LRRC7: variants seen among roughly 807,000 people sequenced by gnomAD.
LRRC7 encodes the protein leucine rich repeat containing 7, also known as leucine-rich repeat-containing protein 7.
LRRC7 carries 23 observed loss-of-function variants against 175.7 expected under a neutral mutation model. That is an observed-to-expected ratio of 0.13 (90% confidence interval 0.09 to 0.19). The LOEUF (loss-of-function observed/expected upper bound fraction) is 0.19. Among genes scored for constraint, LRRC7 ranks in the 10% least tolerant of loss-of-function variants. The pLI is 1.00. For synonymous variants in LRRC7, 685 were observed against 680.9 expected, an observed-to-expected ratio of 1.01 and a Z score of -0.09; for missense variants, 1,354 against 1,904.7, an observed-to-expected ratio of 0.71 and a Z score of 5.38.
chr1:69,574,974 G>A (rs192647050), intron 1 of LRRC7, among the ~76,000 whole-genome samples: 16 of 152,154 alleles, frequency 1.1e-4, no homozygotes, highest in Non-Finnish European at 1.9e-4. Context: ...GGCTAATATC[G>A]TATTGTTGAA....
At chr1:69,767,115 G>T (rs1468349731) in intron 3 of LRRC7, among the ~76,000 whole-genome samples, 2 of 152,060 alleles carry the variant, frequency 1.3e-5, no homozygotes, top group Non-Finnish European at 2.9e-5. Flanking sequence ...CATATAAACA[G>T]AATTACATAG....
chr1:70,036,756 A>G (rs760996450), intron 20 of LRRC7, 132 bp downstream of exon 20: 85 of 934,674 alleles, frequency 9.1e-5, no homozygotes, highest in Non-Finnish European at 1.3e-4. Context: ...GCAGGTAAGC[A>G]AATGTTGTTC....
At chr1:70,003,884 TCTCTA>T (rs1275223783) in intron 11 of LRRC7, among the ~76,000 whole-genome samples, 2 of 152,176 alleles carry the variant, frequency 1.3e-5, no homozygotes, top group African/African-American at 2.4e-5. Context: ...ATGAAGCTAT[TCTCTA>T]CTCATCAGTT....
intron 1 of LRRC7, among the ~76,000 whole-genome samples, chr1:69,591,177 GCTTGCTGTATCT>G (rs1458816354): frequency 2.6e-5 from 4 of 152,104 alleles, no homozygotes; most frequent in Non-Finnish European, 5.9e-5. Context: ...ATAGGAGTTT[GCTTGCTGTATCT>G]CTTGAAACTT....
intron 8 of LRRC7, among the ~76,000 whole-genome samples, chr1:69,968,077 A>T (rs893406951): frequency 2.0e-5 from 3 of 152,058 alleles, no homozygotes; most frequent in Non-Finnish European, 2.9e-5. Flanking sequence ...GAGGGGAGAA[A>T]TATTCAATGA....
chr1:69,808,885 T>C (rs1407874313), intron 4 of LRRC7, among the ~76,000 whole-genome samples: 2 of 151,874 alleles, frequency 1.3e-5, no homozygotes, highest in African/African-American at 4.8e-5. Flanking sequence ...ATTCAAAAGC[T>C]AGCAACAAAA....
At chr1:69,998,574 T>C (rs1655236737) in intron 11 of LRRC7, among the ~76,000 whole-genome samples, 1 of 148,934 alleles carries the variant, frequency 6.7e-6, no homozygotes, top group South Asian at 2.1e-4. Context: ...GGCACTAAGA[T>C]AGGCACTAGT....
chr1:69,656,534 C>CT (rs1210313836), intron 1 of LRRC7, among the ~76,000 whole-genome samples: 1 of 151,912 alleles, frequency 6.6e-6, no homozygotes, highest in African/African-American at 2.4e-5. Flanking sequence ...TGGTAACTTT[C>CT]TTTTTTACTA....
At chr1:69,763,955 G>T (rs1435609704) in intron 3 of LRRC7, among the ~76,000 whole-genome samples, 1 of 151,804 alleles carries the variant, frequency 6.6e-6, no homozygotes, top group Non-Finnish European at 1.5e-5. Flanking sequence ...ATTATAATTG[G>T]TCATGAATCT....
Position 69,848,033 on chromosome 1 carries a change from A to ACATT in LRRC7, c.647+9752_647+9755dup, listed in dbSNP as rs142308488. 2.0e-5 allele frequency among the ~76,000 whole-genome samples: 3 copies of ACATT among 152,180 alleles called. No individual in the cohort carries two copies. In the East Asian group the frequency reaches 5.8e-4, roughly 29 times the overall value. On this transcript the variant is annotated intron_variant, in intron 7 of 26. Transcript: ENST00000651989. The stretch of plus-strand genomic sequence containing the variant: ...TATATCTCGAAGCATCTTTCTTGAG[A>ACATT]CATTCCCTTTTTCTGTCTGAAAAAC...
chr1:69,740,156 C>A (rs569332146), intron 2 of LRRC7, among the ~76,000 whole-genome samples: 15 of 152,204 alleles, frequency 9.9e-5, no homozygotes, highest in African/African-American at 3.4e-4. Context: ...TCTTCCAAGG[C>A]TGCCATAAGA....
intron 3 of LRRC7, among the ~76,000 whole-genome samples, chr1:69,774,736 C>A (rs1569717394): frequency 6.6e-6 from 1 of 152,034 alleles, no homozygotes; most frequent in South Asian, 2.1e-4. Context: ...GCATTTACTA[C>A]TGATTTAACC....
At chr1:69,911,003 T>C (rs1033299966) in intron 7 of LRRC7, among the ~76,000 whole-genome samples, 1 of 152,294 alleles carries the variant, frequency 6.6e-6, no homozygotes, top group African/African-American at 2.4e-5. Flanking sequence ...CTCCGAGTCA[T>C]GTGGGGGATA....
chr1:70,127,014 A>G lies in LRRC7; in HGVS notation c.*5127A>G, dbSNP rs939711530. ...GATAGCTGTTCGGAGAGCCTTGAGT[A>G]TCAACAGATGGTTACAGCTCCCAAT... On this transcript the variant is annotated 3_prime_UTR_variant, in exon 27 of 27. Coordinates refer to ENST00000651989, the MANE Select transcript of LRRC7 (RefSeq NM_001370785.2). Among the ~76,000 whole-genome samples the G allele has an allele frequency of 5.3e-5, 8 of 152,218 alleles. No homozygotes were observed. The highest frequency in any genetic ancestry group is 1.9e-4 in the East Asian group (1 of 5,194).
chr1:69,840,244 ATTC>A (rs1252493043), intron 7 of LRRC7, among the ~76,000 whole-genome samples: 2 of 152,022 alleles, frequency 1.3e-5, no homozygotes, highest in African/African-American at 4.8e-5. Flanking sequence ...GCAGAAAGAA[ATTC>A]TTCTTTGAAT....
At chr1:70,051,386 C>A (rs1660730922) in intron 22 of LRRC7, among the ~76,000 whole-genome samples, 1 of 151,828 alleles carries the variant, frequency 6.6e-6, no homozygotes, top group Non-Finnish European at 1.5e-5. Context: ...TAATGCTTAA[C>A]CTGAATAATT....
intron 7 of LRRC7, among the ~76,000 whole-genome samples, chr1:69,911,030 C>T (rs918867936): frequency 2.0e-5 from 3 of 152,156 alleles, no homozygotes; most frequent in African/African-American, 4.8e-5. Context: ...CCTGGTGTGC[C>T]GTTTTTTAAG....
chr1:70,105,211 C>CT lies in LRRC7; in HGVS notation c.4546-2539dup, dbSNP rs1665061436. ...TGGCCTGGTTGATTAATCATTGAGCCTTATTTAACTGTCTTTTTTCAAACA... is the reference window on the plus strand; with the variant it reads ...TGGCCTGGTTGATTAATCATTGAGCCTTTATTTAACTGTCTTTTTTCAAACA... On this transcript the variant is annotated intron_variant, in intron 25 of 26. Transcript: ENST00000651989. Among the ~76,000 whole-genome samples, 3 of 152,238 alleles carry CT rather than the reference C, an allele frequency of 2.0e-5. No homozygotes were observed. The South Asian group carries it at 6.2e-4, about 32-fold the overall frequency.
chr1:69,930,944 G>T (rs1337578588), intron 7 of LRRC7, among the ~76,000 whole-genome samples: 1 of 151,476 alleles, frequency 6.6e-6, no homozygotes, highest in Non-Finnish European at 1.5e-5. Context: ...CGATTATGGG[G>T]ATTACAATTC....
Sources: gnomAD v4.1 joint callset for allele counts (sites outside exome capture counted in the v4.1 genomes callset) on GRCh38, gnomAD v4.1.1 for gene constraint, MANE v1.5 for transcripts, NCBI Gene and HGNC (gene_info 2026-07-23, HGNC 2026-07-21) for gene names.